STPG4: variants seen among roughly 807,000 people sequenced by gnomAD.
The protein encoded by STPG4 is sperm-tail PG-rich repeat containing 4, also known as protein STPG4.
A neutral mutation model predicts 31.5 loss-of-function variants in STPG4; 41 were observed. The observed-to-expected ratio is 1.30, with a 90% CI of 1.01 to 1.69. The LOEUF is 1.69. Ranked by LOEUF, STPG4 falls within the 40% of genes most tolerant of loss-of-function variation. The pLI is 0.00. For missense variants in STPG4, 375 were observed against 293.4 expected (o/e 1.28, Z -2.03); for synonymous variants, 141 against 103.0 (o/e 1.37, Z -2.24).
intron 3 of STPG4, among the ~76,000 whole-genome samples, chr2:47,143,448 G>C (rs554577332): frequency 4.6e-5 from 7 of 151,004 alleles, no homozygotes; most frequent in Non-Finnish European, 5.9e-5. Context: ...TTAGTAATTG[G>C]TGTGTCTCTT....
intron 5 of STPG4, among the ~76,000 whole-genome samples, chr2:47,123,188 C>T (rs138983914): frequency 5.3e-5 from 8 of 152,292 alleles, no homozygotes; most frequent in Middle Eastern, 3.4e-3. Context: ...TGACATCCTA[C>T]TGACTAGCTA....
chr2:47,091,653 T>A (rs1481768147), intron 5 of STPG4, among the ~76,000 whole-genome samples: 1 of 152,186 alleles, frequency 6.6e-6, no homozygotes, highest in South Asian at 2.1e-4. Flanking sequence ...CCCAAAACAC[T>A]GGCCTAAAAT....
intron 5 of STPG4, among the ~76,000 whole-genome samples, chr2:47,101,244 A>G (rs1468263291): frequency 6.6e-6 from 1 of 151,204 alleles, no homozygotes; most frequent in Admixed American, 6.6e-5. Context: ...CTCTCTAACA[A>G]CCCCCGACTC....
In STPG4 at chr2:47,151,323, C is replaced by G. The variant is rs150323269; in HGVS notation, c.334G>C (p.Val112Leu). 5 of 1,614,078 alleles carry G rather than the reference C, an allele frequency of 3.1e-6. No individual in the cohort carries two copies. The highest frequency in any genetic ancestry group is 3.4e-6 in the Non-Finnish European group (4 of 1,180,048). The change falls in exon 3 of 7, where the codon GTG becomes CTG. Residue 112 changes from valine to leucine, a missense_variant. Physicochemically the swap from Val to Leu is conservative, Grantham distance 32. Coordinates refer to ENST00000445927, the MANE Select transcript of STPG4 (RefSeq NM_001163561.2). ...PDFLDLLKKQ[V>L]ATYSFKDKPR... ...TTGTCTTTGAATGAGTAAGTAGCCA[C>G]TTGCTTCTTTAACAGGTCCAGGAAG...
chr2:47,114,614 G>A (rs1381176304), intron 5 of STPG4, among the ~76,000 whole-genome samples: 3 of 152,250 alleles, frequency 2.0e-5, no homozygotes, highest in Non-Finnish European at 2.9e-5. Context: ...ACAAAGTTGT[G>A]TATGTAATCA....
At chr2:47,093,656 C>G (rs1475992415) in intron 5 of STPG4, among the ~76,000 whole-genome samples, 2 of 152,220 alleles carry the variant, frequency 1.3e-5, no homozygotes, top group Admixed American at 6.5e-5. Context: ...GGCATGAAGG[C>G]TGATGAAGCA....
rs990406775 is a variant in STPG4, at chr2:47,138,975, G to A, written c.400-8715C>T. Among the ~76,000 whole-genome samples, 14 of 152,300 alleles carry A rather than the reference G, an allele frequency of 9.2e-5. No homozygotes were observed. In the East Asian group the frequency reaches 9.6e-4, roughly 10 times the overall value. Reference sequence around the variant, plus strand: ...GCTGGGATTACAGGTGTGAGCCACCGCTGCCAGCCCTGTTAAGGTATGTTT... The same window carrying A: ...GCTGGGATTACAGGTGTGAGCCACCACTGCCAGCCCTGTTAAGGTATGTTT... On this transcript the variant is annotated intron_variant, in intron 3 of 6. Coordinates refer to ENST00000445927, the MANE Select transcript of STPG4 (RefSeq NM_001163561.2).
intron 5 of STPG4, among the ~76,000 whole-genome samples, chr2:47,100,129 G>T (rs1050664129): frequency 6.6e-6 from 1 of 152,102 alleles, no homozygotes; most frequent in Non-Finnish European, 1.5e-5. Context: ...CACATGGTGC[G>T]GGACTGGCAG....
chr2:47,138,374 T>C (rs1686639657), intron 3 of STPG4, among the ~76,000 whole-genome samples: 1 of 152,078 alleles, frequency 6.6e-6, no homozygotes, highest in Non-Finnish European at 1.5e-5. Context: ...ATAATTTCTA[T>C]TCCTTTAAAT....
intron 3 of STPG4, among the ~76,000 whole-genome samples, chr2:47,144,609 A>C (rs1379869315): frequency 1.3e-5 from 2 of 152,218 alleles, no homozygotes; most frequent in African/African-American, 4.8e-5. Context: ...TATTTCTAAA[A>C]AGAAGAAATT....
At chr2:47,122,616 T>A (rs1038909675) in intron 5 of STPG4, among the ~76,000 whole-genome samples, 25 of 152,242 alleles carry the variant, frequency 1.6e-4, no homozygotes, top group African/African-American at 4.8e-4. Context: ...TATAAAAATC[T>A]TGTATTAATA....
chr2:47,087,194 G>A (rs1685474562), intron 6 of STPG4, 64 bp from the exon 7 acceptor site: 3 of 1,533,716 alleles, frequency 2.0e-6, no homozygotes, highest in East Asian at 2.5e-5. Flanking sequence ...AGGCTCCTGT[G>A]CCTAGCCACT....
rs372413299 is a variant in STPG4, at chr2:47,100,825, C to T, written c.520-10451G>A. On this transcript the variant is annotated intron_variant, in intron 5 of 6. Coordinates refer to ENST00000445927, the MANE Select transcript of STPG4 (RefSeq NM_001163561.2). The stretch of plus-strand genomic sequence containing the variant: ...CTTCACTCCTGAGCCAGTGATACCA[C>T]GAACCCACAAGAAGGAAGAAACTCC... 1.8e-4 allele frequency among the ~76,000 whole-genome samples: 27 copies of T among 151,668 alleles called. No homozygotes were observed. In the East Asian group the frequency reaches 4.4e-3, roughly 25 times the overall value.
chr2:47,098,245 C>T (rs914883201), intron 5 of STPG4, among the ~76,000 whole-genome samples: 6 of 152,240 alleles, frequency 3.9e-5, no homozygotes, highest in African/African-American at 1.4e-4. Flanking sequence ...GCACTGACAG[C>T]TCCCCACAGA....
chr2:47,103,052 A>G (rs1466757147), intron 5 of STPG4, among the ~76,000 whole-genome samples: 2 of 151,922 alleles, frequency 1.3e-5, no homozygotes, highest in African/African-American at 4.9e-5. Context: ...AAATGACAGA[A>G]TGACAGCCGA....
chr2:47,153,271 TGTAA>T (rs747468448), intron 1 of STPG4, among the ~76,000 whole-genome samples: 2 of 152,194 alleles, frequency 1.3e-5, no homozygotes, highest in Non-Finnish European at 2.9e-5. Context: ...ACAGAGATGT[TGTAA>T]GTATCTTAAA....
intron 3 of STPG4, among the ~76,000 whole-genome samples, chr2:47,145,363 G>C (rs1191090452): frequency 1.3e-5 from 2 of 152,220 alleles, no homozygotes; most frequent in Non-Finnish European, 2.9e-5. Flanking sequence ...ACTGCAGAGA[G>C]TTGCCTAAGC....
chr2:47,099,364 G>A (rs1016171242), intron 5 of STPG4, among the ~76,000 whole-genome samples: 10 of 152,240 alleles, frequency 6.6e-5, no homozygotes, highest in East Asian at 5.8e-4. Flanking sequence ...TGCCCCAGGT[G>A]TGAGAGCTGC....
In STPG4 at chr2:47,154,976, TA is replaced by T. The variant is rs538070130; in HGVS notation, c.81+194del. 9.7e-4 allele frequency among the ~76,000 whole-genome samples: 147 copies of T among 151,100 alleles called. 2 individuals are homozygous for T. The South Asian group carries it at 0.013, about 13-fold the overall frequency. ...AGGGAAGAAGCAAGGGGAAAAGAAA[TA>T]AAACAAAGGAAATGTCCAATAAAGA... On this transcript the variant is annotated intron_variant, in intron 1 of 6. Coordinates refer to ENST00000445927, the MANE Select transcript of STPG4 (RefSeq NM_001163561.2).
Sources: gnomAD v4.1 joint callset for allele counts (sites outside exome capture counted in the v4.1 genomes callset) on GRCh38, gnomAD v4.1.1 for gene constraint, MANE v1.5 for transcripts, NCBI Gene and HGNC (gene_info 2026-07-23, HGNC 2026-07-21) for gene names.